Variants in TENM4 observed in about 807,000 individuals in gnomAD.
TENM4 encodes the protein teneurin transmembrane protein 4, also known as teneurin-4.
TENM4 carries 82 observed loss-of-function variants against 243.3 expected under a neutral mutation model. The ratio of observed to expected loss-of-function variants is 0.34; its 90% CI spans 0.28 to 0.40. The LOEUF is 0.40. Ranked by LOEUF, TENM4 falls within the 10% of genes least tolerant of loss-of-function variation. The pLI, the probability that TENM4 is intolerant of heterozygous loss-of-function variation, is 1.00. For missense variants in TENM4, 3,138 were observed against 3,673.3 expected (o/e 0.85, Z 3.77); for synonymous variants, 1,412 against 1,456.3 (o/e 0.97, Z 0.69).
rs112596538 is a variant in TENM4, at chr11:78,964,048, TTTTTTTTTTC to T, written c.494-60535_494-60526del. ...CACCACACCCAGACTTTTTTTTTTT[TTTTTTTTTTC>T]CCCTAGATGGAGTCTTGCTCTGTCG... On this transcript the variant is annotated intron_variant, in intron 6 of 33. Coordinates refer to ENST00000278550, the MANE Select transcript of TENM4 (RefSeq NM_001098816.3). Among the ~76,000 whole-genome samples the T allele has an allele frequency of 6.5e-3, 926 of 142,756 alleles. 18 individuals are homozygous for T. Among genetic ancestry groups the T allele is most frequent in the African/African-American group, 0.024 (877 of 36,678 alleles). 93.7% of individuals were successfully genotyped at this position (142,756 alleles called of 152,430 possible).
At chr11:79,238,012 T>C (rs764862764) in intron 2 of TENM4, among the ~76,000 whole-genome samples, 15 of 152,228 alleles carry the variant, frequency 9.9e-5, no homozygotes, top group African/African-American at 1.9e-4. Flanking sequence ...TCAGCAGTTC[T>C]GAATCATCAC....
At chr11:79,149,799 A>G (rs1862467304) in intron 3 of TENM4, among the ~76,000 whole-genome samples, 1 of 152,174 alleles carries the variant, frequency 6.6e-6, no homozygotes, top group African/African-American at 2.4e-5. Flanking sequence ...GTAATAAGGT[A>G]TGTGAGCAAT....
intron 1 of TENM4, among the ~76,000 whole-genome samples, chr11:79,301,973 T>C (rs1856557388): frequency 1.3e-5 from 2 of 152,196 alleles, no homozygotes; most frequent in African/African-American, 4.8e-5. Flanking sequence ...TTACGCAGTC[T>C]CAGGTATTTC....
chr11:79,143,761 A>T (rs1862340751), intron 4 of TENM4, among the ~76,000 whole-genome samples: 1 of 151,900 alleles, frequency 6.6e-6, no homozygotes, highest in African/African-American at 2.4e-5. Flanking sequence ...GAAGAATGAA[A>T]CTAGATCCCT....
At chr11:79,354,805 A>G (rs1857469398) in intron 1 of TENM4, among the ~76,000 whole-genome samples, 1 of 151,692 alleles carries the variant, frequency 6.6e-6, no homozygotes, top group South Asian at 2.1e-4. Flanking sequence ...ACAATAACAA[A>G]CAAACAAAAA....
intron 1 of TENM4, among the ~76,000 whole-genome samples, chr11:79,307,628 C>T (rs1856648549): frequency 6.6e-6 from 1 of 152,174 alleles, no homozygotes; most frequent in African/African-American, 2.4e-5. Context: ...TGACAGGCCC[C>T]AGCATGGCTC....
chr11:78,843,948 T>C (rs956641602), intron 12 of TENM4, among the ~76,000 whole-genome samples: 1 of 152,226 alleles, frequency 6.6e-6, no homozygotes, highest in African/African-American at 2.4e-5. Context: ...ACATCAGTGA[T>C]GCCTGACCTT....
chr11:79,314,374 C>G (rs555258808), intron 1 of TENM4, among the ~76,000 whole-genome samples: 1 of 152,178 alleles, frequency 6.6e-6, no homozygotes, highest in Non-Finnish European at 1.5e-5. Flanking sequence ...TTCCCTGCAA[C>G]TCTAGAAAAA....
intron 1 of TENM4, among the ~76,000 whole-genome samples, chr11:79,386,948 A>G (rs192942243): frequency 1.8e-4 from 27 of 152,316 alleles, no homozygotes; most frequent in Admixed American, 1.5e-3. Context: ...GACATGCATA[A>G]GAATGTTCAC....
At chr11:78,951,663 G>C (rs1380995562) in intron 6 of TENM4, among the ~76,000 whole-genome samples, 2 of 152,194 alleles carry the variant, frequency 1.3e-5, no homozygotes, top group African/African-American at 4.8e-5. Context: ...ATGGAGGAGA[G>C]AGAGCTCTTT....
In TENM4 at chr11:78,787,097, CAGA is replaced by C; in HGVS notation, c.2180-17_2180-15del. ...CAGCACAGATCTCTGTGGGGAGGAG[CAGA>C]AGAAGGGAGGACACCAGGGCCAGGA... is the stretch of plus-strand genomic sequence containing the variant. On this transcript the variant is annotated splice_polypyrimidine_tract_variant and intron_variant, in intron 15 of 33. Transcript: ENST00000278550. The C allele has an allele frequency of 2.6e-6, 4 of 1,534,006 alleles. No homozygotes were observed. The highest frequency in any genetic ancestry group is 2.4e-5 in the South Asian group (2 of 82,098).
chr11:79,263,019 T>G (rs1565274260), intron 2 of TENM4, among the ~76,000 whole-genome samples: 1 of 152,166 alleles, frequency 6.6e-6, no homozygotes, highest in Non-Finnish European at 1.5e-5. Context: ...AGCACAACAT[T>G]CTTTTCCAAT....
At chr11:78,997,045 G>A (rs1858192481) in intron 6 of TENM4, among the ~76,000 whole-genome samples, 2 of 152,310 alleles carry the variant, frequency 1.3e-5, no homozygotes, top group South Asian at 2.1e-4. Context: ...CAAGTTGTTG[G>A]GGCGGGGGTA....
At chr11:78,890,339 G>C (rs968301389) in intron 8 of TENM4, among the ~76,000 whole-genome samples, 1 of 152,178 alleles carries the variant, frequency 6.6e-6, no homozygotes, top group South Asian at 2.1e-4. Flanking sequence ...GAACGGATGG[G>C]GCTGGGATAC....
At chr11:78,863,332 C>G (rs1449504001) in intron 9 of TENM4, among the ~76,000 whole-genome samples, 200 bp from the exon 10 acceptor site, 1 of 152,214 alleles carries the variant, frequency 6.6e-6, no homozygotes, top group South Asian at 2.1e-4. Flanking sequence ...AGACCCTGCC[C>G]TCAAGGGGCT....
rs987750737 is a variant in TENM4, at chr11:79,438,643, G to A, written c.-321+1866C>T. Among the ~76,000 whole-genome samples the A allele has an allele frequency of 6.6e-6, 1 of 152,212 alleles. No individual in the cohort carries two copies. Among genetic ancestry groups the A allele is most frequent in the Non-Finnish European group, 1.5e-5 (1 of 68,036 alleles). The stretch of plus-strand genomic sequence containing the variant: ...GGGCACAGGGCTTGAAAGACAAGGA[G>A]GGGCGCCCAGGAAGGGCGGAAAAGA... On this transcript the variant is annotated intron_variant, in intron 1 of 33. Coordinates refer to ENST00000278550, the MANE Select transcript of TENM4 (RefSeq NM_001098816.3). This position sits in a 1 kb window ranked among gnomAD's most constrained non-coding sequence, Gnocchi z 4.1.
intron 1 of TENM4, among the ~76,000 whole-genome samples, chr11:79,319,268 G>T (rs948493539): frequency 6.6e-6 from 1 of 152,070 alleles, no homozygotes; most frequent in Admixed American, 6.5e-5. Flanking sequence ...ATAGCTACTG[G>T]TTCATGTACC....
At position 79,010,802 on chromosome 11, in the gene TENM4, G is replaced by A. The variant is rs79099895; in HGVS notation, c.493+53936C>T. Among the ~76,000 whole-genome samples the A allele has an allele frequency of 3.6e-3, 548 of 152,226 alleles. 4 individuals carry two copies. The highest frequency in any genetic ancestry group is 0.013 in the African/African-American group (527 of 41,518). On this transcript the variant is annotated intron_variant, in intron 6 of 33. Coordinates refer to ENST00000278550, the MANE Select transcript of TENM4 (RefSeq NM_001098816.3). Reference sequence around the variant, plus strand: ...TGGGGACACAGCCAAACCATGTCAGGGTTCTAGGGGACAGGAAACCAAGGG... The same window carrying A: ...TGGGGACACAGCCAAACCATGTCAGAGTTCTAGGGGACAGGAAACCAAGGG...
chr11:78,990,244 C>CAG (rs1281456998), intron 6 of TENM4, among the ~76,000 whole-genome samples: 1 of 152,092 alleles, frequency 6.6e-6, no homozygotes, highest in Non-Finnish European at 1.5e-5. Context: ...CAAGGTTACT[C>CAG]AGACAGAGTG....
Sources: allele counts gnomAD v4.1 joint callset (sites outside exome capture counted in the v4.1 genomes callset), GRCh38; gene constraint gnomAD v4.1.1; non-coding constraint Gnocchi (gnomAD v3.1); transcripts MANE v1.5; gene names NCBI Gene and HGNC (gene_info 2026-07-23, HGNC 2026-07-21).